KDELR1: variants seen among roughly 807,000 people sequenced by gnomAD.
KDELR1 encodes ER lumen protein-retaining receptor 1.
Under a neutral mutation model 25.5 loss-of-function variants are expected in KDELR1, and 16 were observed. The ratio of observed to expected loss-of-function variants is 0.63; its 90% CI spans 0.43 to 0.95. The LOEUF (loss-of-function observed/expected upper bound fraction) is 0.95. KDELR1 is among the 40% of genes least tolerant of loss of function. KDELR1 has a pLI of 0.00. For synonymous variants in KDELR1, 121 were observed against 115.0 expected (o/e 1.05, Z -0.33); for missense variants, 159 against 265.2 (o/e 0.60, Z 2.78).
At chr19:48,397,384 C>T in the KDELR1 span, among the ~76,000 whole-genome samples, 19 of 152,198 alleles carry the variant, frequency 1.2e-4, no homozygotes, top group East Asian at 2.5e-3. Context: ...TCGCCTTCCC[C>T]GCCTTACTTT....
chr19:48,384,177 C>A lies in KDELR1; in HGVS notation c.604+53G>T. The A allele has an allele frequency of 6.2e-7, 1 of 1,602,764 alleles. No homozygotes were observed. The highest frequency in any genetic ancestry group is 1.1e-5 in the South Asian group (1 of 89,794). On this transcript the variant is annotated intron_variant, in intron 4 of 4. Coordinates refer to ENST00000330720, the MANE Select transcript of KDELR1 (RefSeq NM_006801.3). This position sits in a 1 kb window ranked among gnomAD's most constrained non-coding sequence, Gnocchi z 4.6. The stretch of plus-strand genomic sequence containing the variant: ...AGGAGACCCCAGTCCCCAGGGAGGG[C>A]AGGAGCTGCAGAAATAGGAGGTTCC...
At chr19:48,386,025 T>G (rs1970493398) in intron 3 of KDELR1, among the ~76,000 whole-genome samples, 1 of 151,990 alleles carries the variant, frequency 6.6e-6, no homozygotes, top group Non-Finnish European at 1.5e-5. Context: ...ACGAACCCAT[T>G]AAATTGATGC....
chr19:48,384,567 G>A lies in KDELR1; in HGVS notation c.352-85C>T, dbSNP rs371723419. On this transcript the variant is annotated intron_variant, in intron 3 of 4. Coordinates refer to ENST00000330720, the MANE Select transcript of KDELR1 (RefSeq NM_006801.3). This position sits in a 1 kb window ranked among gnomAD's most constrained non-coding sequence, Gnocchi z 4.6. ...GGACAACATTGCAGTTACAGGTGCC[G>A]CGAAGGTGGAGAGAAGGAAGGTGAT... 7.9e-5 allele frequency: 118 copies of A among 1,490,812 alleles called. No individual in the cohort carries two copies. In the African/African-American group the frequency reaches 9.0e-4, roughly 11 times the overall value. 92.3% of individuals were successfully genotyped at this position (1,490,812 alleles called of 1,614,324 possible).
upstream of KDELR1, among the ~76,000 whole-genome samples, chr19:48,395,262 C>G (rs1483981942): frequency 6.6e-6 from 1 of 151,448 alleles, no homozygotes; most frequent in African/African-American, 2.4e-5. Context: ...CTCCCTGTAC[C>G]CCCCTCCCTG....
intron 1 of KDELR1, 31 bp downstream of exon 1, chr19:48,391,237 T>G (rs963574165): frequency 6.5e-7 from 1 of 1,544,306 alleles, no homozygotes; most frequent in Admixed American, 2.0e-5. Flanking sequence ...CCGCAATCTC[T>G]CTCCTTCGCC....
chr19:48,389,333 T>A, intron 3 of KDELR1: 1 of 559,238 alleles, frequency 1.8e-6, no homozygotes, highest in Non-Finnish European at 3.2e-6. Flanking sequence ...CTGAGAAAAG[T>A]AAGTAGGTGA....
At chr19:48,387,158 T>A (rs1317377461) in intron 3 of KDELR1, among the ~76,000 whole-genome samples, 1 of 150,136 alleles carries the variant, frequency 6.7e-6, no homozygotes, top group Non-Finnish European at 1.5e-5. Flanking sequence ...AGTCTCCCCA[T>A]CTTCAAAATG....
upstream of KDELR1, among the ~76,000 whole-genome samples, chr19:48,393,138 G>A (rs936197014): frequency 6.6e-5 from 10 of 152,012 alleles, no homozygotes; most frequent in Admixed American, 6.6e-4. This position sits in a 1 kb window ranked among gnomAD's most constrained non-coding sequence, Gnocchi z 5.6. Flanking sequence ...GGGGAGAGTC[G>A]GGATGACTGA....
intron 2 of KDELR1, 65 bp from the exon 3 acceptor site, chr19:48,389,776 C>T: frequency 6.3e-7 from 1 of 1,578,722 alleles, no homozygotes; most frequent in Non-Finnish European, 8.7e-7. Context: ...GGCTCAGAGC[C>T]CGGAGTCCAG....
upstream of KDELR1, among the ~76,000 whole-genome samples, chr19:48,393,355 C>T (rs1277829861): frequency 2.6e-5 from 4 of 152,116 alleles, no homozygotes; most frequent in African/African-American, 9.7e-5. The surrounding 1 kb of genome is among the most constrained non-coding windows in gnomAD (Gnocchi z 5.6). Flanking sequence ...CAGGGAAAGG[C>T]CTCCTGTTTC....
In KDELR1 at chr19:48,382,973, G is replaced by A. The variant is rs188500978; in HGVS notation, c.*320C>T. ...GGGAAAAGATCTTGGACCCTGCCCC[G>A]GCCCATAGGACACTCAAAAACACTT... On this transcript the variant is annotated 3_prime_UTR_variant, in exon 5 of 5. Transcript: ENST00000330720. The A allele has an allele frequency of 1.2e-5, 4 of 347,540 alleles. No individual in the cohort carries two copies. Among genetic ancestry groups the A allele is most frequent in the Admixed American group, 4.4e-5 (1 of 22,666 alleles). 21.5% of individuals were successfully genotyped at this position (347,540 alleles called of 1,614,324 possible).
intron 3 of KDELR1, 184 bp downstream of exon 3, chr19:48,389,369 T>C (rs1287785780): frequency 3.1e-6 from 2 of 640,118 alleles, no homozygotes; most frequent in South Asian, 1.9e-5. Context: ...GACTGACACA[T>C]AGCGAGTCTT....
upstream of KDELR1, among the ~76,000 whole-genome samples, chr19:48,395,260 A>AC (rs530325167): frequency 7.4e-6 from 1 of 134,236 alleles, no homozygotes; most frequent in African/African-American, 2.8e-5. Context: ...TTCTCCCTGT[A>AC]CCCCCCTCCC....
intron 3 of KDELR1, among the ~76,000 whole-genome samples, chr19:48,388,728 G>A (rs113143005): frequency 1.4e-5 from 2 of 145,080 alleles, no homozygotes; most frequent in Non-Finnish European, 3.0e-5. Flanking sequence ...GGAAGAAAAG[G>A]AAGAAAGGAA....
At chr19:48,387,605 T>G (rs556503209) in intron 3 of KDELR1, 1 of 148,276 alleles carries the variant, frequency 6.7e-6, no homozygotes, top group South Asian at 2.1e-4. Flanking sequence ...ACGCTTGACC[T>G]GGGAGGCAGA....
At chr19:48,393,392 G>A (rs746504293), upstream of KDELR1, among the ~76,000 whole-genome samples, 32 of 152,208 alleles carry the variant, frequency 2.1e-4, no homozygotes, top group Non-Finnish European at 4.3e-4. This position sits in a 1 kb window ranked among gnomAD's most constrained non-coding sequence, Gnocchi z 5.6. Flanking sequence ...GGCGGGGGCA[G>A]AGGGCAGCAA....
chr19:48,383,988 G>A (rs1970475570), intron 4 of KDELR1, among the ~76,000 whole-genome samples: 1 of 152,156 alleles, frequency 6.6e-6, no homozygotes, highest in African/African-American at 2.4e-5. Flanking sequence ...CTGAGTCCCT[G>A]CCCTGCCTGG....
At chr19:48,389,385 T>C (rs919203602) in intron 3 of KDELR1, 168 bp downstream of exon 3, 1 of 697,212 alleles carries the variant, frequency 1.4e-6, no homozygotes, top group Non-Finnish European at 2.5e-6. Context: ...GTCTTGCTGC[T>C]GTTGTGTTAA....
upstream of KDELR1, among the ~76,000 whole-genome samples, chr19:48,393,914 G>C (rs528036869): frequency 6.6e-5 from 10 of 152,178 alleles, no homozygotes; most frequent in African/African-American, 1.7e-4. This position sits in a 1 kb window ranked among gnomAD's most constrained non-coding sequence, Gnocchi z 5.6. Context: ...TGGTGGAGGG[G>C]GGGTGTGTCT....
Sources: gnomAD v4.1 joint callset for allele counts (sites outside exome capture counted in the v4.1 genomes callset) on GRCh38, gnomAD v4.1.1 for gene constraint, Gnocchi (gnomAD v3.1) non-coding constraint, MANE v1.5 for transcripts, NCBI Gene and HGNC (gene_info 2026-07-23, HGNC 2026-07-21) for gene names.